Variants in PTPN14 observed in about 807,000 individuals in gnomAD.
PTPN14 encodes tyrosine-protein phosphatase non-receptor type 14.
Under a neutral mutation model 126.8 loss-of-function variants are expected in PTPN14, and 53 were observed. The ratio of observed to expected loss-of-function variants is 0.42; its 90% CI spans 0.34 to 0.53. The LOEUF is 0.53. Among genes scored for constraint, PTPN14 ranks in the 20% least tolerant of loss-of-function variants. The pLI, the probability that PTPN14 is intolerant of heterozygous loss-of-function variation, is 0.08. For missense variants in PTPN14, 1,257 were observed against 1,552.9 expected, an observed-to-expected ratio of 0.81 and a Z score of 3.20; for synonymous variants, 630 against 599.3, an observed-to-expected ratio of 1.05 and a Z score of -0.75.
chr1:214,537,581 C>CA (rs1251057396), intron 1 of PTPN14, among the ~76,000 whole-genome samples: 1 of 152,202 alleles, frequency 6.6e-6, no homozygotes, highest in African/African-American at 2.4e-5. Flanking sequence ...ATCCACTGGA[C>CA]AAAGCACTTG....
intron 18 of PTPN14, among the ~76,000 whole-genome samples, chr1:214,362,262 C>T (rs1225323902): frequency 3.9e-5 from 6 of 152,154 alleles, no homozygotes; most frequent in Non-Finnish European, 8.8e-5. Flanking sequence ...GGAAATAGGA[C>T]AGATAAGACT....
At chr1:214,402,106 T>C (rs7524206) in intron 6 of PTPN14, among the ~76,000 whole-genome samples, 117,456 of 151,248 alleles carry the variant, frequency 0.78, 45,702 homozygotes, top group African/African-American at 0.81. Context: ...GAAATCTTCA[T>C]TATTAAAAAA....
intron 18 of PTPN14, among the ~76,000 whole-genome samples, chr1:214,363,125 C>T (rs1657994810): frequency 6.6e-6 from 1 of 152,176 alleles, no homozygotes; most frequent in Non-Finnish European, 1.5e-5. Flanking sequence ...ACTCAGAGGG[C>T]AATGACATTT....
intron 1 of PTPN14, among the ~76,000 whole-genome samples, chr1:214,509,326 C>A (rs1654914854): frequency 6.6e-6 from 1 of 152,224 alleles, no homozygotes; most frequent in Admixed American, 6.5e-5. Flanking sequence ...CTTGCACTTT[C>A]ATGTTATGGA....
intron 4 of PTPN14, 110 bp from the exon 5 acceptor site, chr1:214,411,861 C>A: frequency 1.8e-6 from 1 of 566,038 alleles, no homozygotes; most frequent in Non-Finnish European, 2.9e-6. Flanking sequence ...TCCTATTTCT[C>A]ACTATTATTA....
chr1:214,464,713 T>A lies in PTPN14; in HGVS notation c.91A>T (p.Asn31Tyr). 6.2e-7 allele frequency: 1 copy of A among 1,614,254 alleles called. No individual in the cohort carries two copies. ...ACCGACAGCGTGCACTCGATAACAT[T>A]GCTGTCCAGCAGGCGAATCCGTGTG... ...FVTRIRLLDSNVIECTLSVES... is the reference protein window; with the variant it reads ...FVTRIRLLDSYVIECTLSVES... Residue 31 changes from asparagine (N) to tyrosine (Y), a missense_variant, in exon 2 of 19, where the codon AAT (asparagine) becomes TAT (tyrosine). By Grantham distance (143) the Asn-to-Tyr change is moderately radical. Transcript: ENST00000366956.
At chr1:214,421,830 G>A (rs1659551223) in intron 3 of PTPN14, among the ~76,000 whole-genome samples, 1 of 151,900 alleles carries the variant, frequency 6.6e-6, no homozygotes, top group Admixed American at 6.6e-5. Context: ...TCCTCCATTT[G>A]CCCAATCATC....
intron 2 of PTPN14, among the ~76,000 whole-genome samples, chr1:214,457,964 A>G (rs1660418580): frequency 6.6e-6 from 1 of 152,076 alleles, no homozygotes; most frequent in Non-Finnish European, 1.5e-5. Context: ...AGACTTTGCT[A>G]TTTTAACTCA....
intron 3 of PTPN14, among the ~76,000 whole-genome samples, chr1:214,422,075 G>A (rs1052275977): frequency 2.6e-5 from 4 of 152,164 alleles, no homozygotes; most frequent in African/African-American, 7.2e-5. Context: ...CAGAAGAAAG[G>A]AGGGAGAAAG....
In PTPN14 at chr1:214,472,390, C is replaced by A. The variant is rs189068534; in HGVS notation, c.-154-7433G>T. Among the ~76,000 whole-genome samples the A allele has an allele frequency of 3.3e-3, 500 of 152,282 alleles. 1 individual carries two copies. The highest frequency in any genetic ancestry group is 0.012 in the African/African-American group (491 of 41,558). On this transcript the variant is annotated intron_variant, in intron 1 of 18. Transcript: ENST00000366956. ...CACCATGATTGAAAGCTCCCTGAGG[C>A]CCTCACCAGAAGCAGAGCAGATGCT...
In PTPN14 at chr1:214,512,878, G is replaced by A. The variant is rs1655011784; in HGVS notation, c.-155+38305C>T. Among the ~76,000 whole-genome samples the A allele has an allele frequency of 2.6e-5, 4 of 152,032 alleles. No individual in the cohort carries two copies. The South Asian group carries it at 8.3e-4, about 32-fold the overall frequency. On this transcript the variant is annotated intron_variant, in intron 1 of 18. Coordinates refer to ENST00000366956, the MANE Select transcript of PTPN14 (RefSeq NM_005401.5). ...GTTAATTTTTGTGTTTTTTTGTAGA[G>A]ACAAGTTTTTGCCACGTTGGCCAGG...
intron 2 of PTPN14, among the ~76,000 whole-genome samples, chr1:214,458,491 A>G (rs1199166248): frequency 6.6e-6 from 1 of 152,182 alleles, no homozygotes; most frequent in African/African-American, 2.4e-5. Flanking sequence ...AGTGCTTCCT[A>G]TGCCAGGCAC....
intron 1 of PTPN14, among the ~76,000 whole-genome samples, chr1:214,539,281 T>A (rs537329786): frequency 3.3e-5 from 5 of 152,308 alleles, no homozygotes; most frequent in Middle Eastern, 3.4e-3. Flanking sequence ...AGATTTTTTT[T>A]AAAAGATTCT....
At chr1:214,445,437 G>A (rs915259416) in intron 3 of PTPN14, among the ~76,000 whole-genome samples, 1 of 152,026 alleles carries the variant, frequency 6.6e-6, no homozygotes, top group Non-Finnish European at 1.5e-5. Context: ...CTACTAAGAT[G>A]TCCTGGAAAA....
chr1:214,538,259 T>A (rs1423595065), intron 1 of PTPN14, among the ~76,000 whole-genome samples: 1 of 152,232 alleles, frequency 6.6e-6, no homozygotes, highest in Non-Finnish European at 1.5e-5. Context: ...CTTCTGAGCC[T>A]AACGTGGTGG....
At chr1:214,425,654 C>T (rs1311587871) in intron 3 of PTPN14, among the ~76,000 whole-genome samples, 1 of 151,974 alleles carries the variant, frequency 6.6e-6, no homozygotes, top group Non-Finnish European at 1.5e-5. Flanking sequence ...TCCTAGTGTA[C>T]TATGAAAAAA....
intron 5 of PTPN14, among the ~76,000 whole-genome samples, chr1:214,406,350 T>C (rs1659170019): frequency 6.6e-6 from 1 of 152,036 alleles, no homozygotes; most frequent in African/African-American, 2.4e-5. Context: ...TGGTGGCACA[T>C]GCCTGTTGTC....
intron 7 of PTPN14, among the ~76,000 whole-genome samples, 153 bp downstream of exon 7, chr1:214,401,532 A>C (rs918416567): frequency 6.6e-6 from 1 of 152,220 alleles, no homozygotes; most frequent in Non-Finnish European, 1.5e-5. Context: ...AAGAAAAAGC[A>C]TTTGTTTATC....
At chr1:214,486,127 G>A (rs1024214081) in intron 1 of PTPN14, among the ~76,000 whole-genome samples, 4 of 152,090 alleles carry the variant, frequency 2.6e-5, no homozygotes, top group South Asian at 2.1e-4. Flanking sequence ...TAGAGGGAGG[G>A]GTGTTAATAA....
Sources: allele counts gnomAD v4.1 joint callset (sites outside exome capture counted in the v4.1 genomes callset), GRCh38; gene constraint gnomAD v4.1.1; transcripts MANE v1.5; gene names NCBI Gene and HGNC (gene_info 2026-07-23, HGNC 2026-07-21).